The following ROPN1L variants were observed in gnomAD, a reference collection of about 807,000 sequenced individuals.
ROPN1L encodes rhophilin associated tail protein 1 like, also known as ropporin-1-like protein.
Under a neutral mutation model 22.7 loss-of-function variants are expected in ROPN1L, and 23 were observed. The ratio of observed to expected loss-of-function variants is 1.01; its 90% CI spans 0.73 to 1.43. ROPN1L has a LOEUF of 1.43. ROPN1L is among the 40% of genes most tolerant of loss of function. The probability of loss-of-function intolerance (pLI) is 0.00; values close to 1 mark genes in which losing one functional copy is unlikely to be tolerated. For missense variants in ROPN1L, 271 were observed against 291.5 expected, an observed-to-expected ratio of 0.93 and a Z score of 0.51; for synonymous variants, 116 against 117.8, an observed-to-expected ratio of 0.98 and a Z score of 0.10.
chr5:10,474,471 G>A (rs1735293071), downstream of ROPN1L, among the ~76,000 whole-genome samples: 1 of 152,230 alleles, frequency 6.6e-6, no homozygotes, highest in African/African-American at 2.4e-5. Context: ...AGGACATGAG[G>A]ATGGCCTCTA....
chr5:10,458,947 G>A (rs1303060680), intron 3 of ROPN1L, among the ~76,000 whole-genome samples: 2 of 61,866 alleles, frequency 3.2e-5, no homozygotes, highest in Admixed American at 2.3e-4. Context: ...CATCCCGCCC[G>A]TGTACACCAC....
At chr5:10,469,359 C>T (rs996525894), downstream of ROPN1L, among the ~76,000 whole-genome samples, 9 of 150,364 alleles carry the variant, frequency 6.0e-5, no homozygotes, top group South Asian at 2.1e-4. Context: ...TGGTGGCATA[C>T]GCCTGTGGTC....
intron 1 of ROPN1L, among the ~76,000 whole-genome samples, chr5:10,442,948 A>C (rs557491755): frequency 6.6e-6 from 1 of 152,374 alleles, no homozygotes; most frequent in South Asian, 2.1e-4. Flanking sequence ...TCTTGGTTTT[A>C]CAGGAGAGCT....
chr5:10,473,558 A>G (rs144432385), downstream of ROPN1L, among the ~76,000 whole-genome samples: 181 of 152,326 alleles, frequency 1.2e-3, no homozygotes, highest in African/African-American at 4.1e-3. Context: ...TGAGACAAGA[A>G]ATTGTTGCTG....
At chr5:10,466,119 A>G (rs1735149510), downstream of ROPN1L, among the ~76,000 whole-genome samples, 1 of 152,214 alleles carries the variant, frequency 6.6e-6, no homozygotes, top group African/African-American at 2.4e-5. Context: ...CGAAAAGGCC[A>G]ATACCAATGA....
In ROPN1L at chr5:10,459,369, T is replaced by TC. The variant is rs1561175192; in HGVS notation, c.418-1814dup. The stretch of plus-strand genomic sequence containing the variant: ...CTGCCTTCCACCCTCATCACTGGGT[T>TC]CTTGCCTTCCACCCTCATCACTTCT... On this transcript the variant is annotated intron_variant, in intron 3 of 4. Transcript: ENST00000274134. Among the ~76,000 whole-genome samples, 351 of 150,298 alleles carry TC rather than the reference T, an allele frequency of 2.3e-3. 4 individuals are homozygous for TC. The highest frequency in any genetic ancestry group is 5.2e-3 in the South Asian group (25 of 4,768).
chr5:10,461,719 C>G (rs906757763), intron 4 of ROPN1L, among the ~76,000 whole-genome samples: 2 of 152,194 alleles, frequency 1.3e-5, no homozygotes, highest in Non-Finnish European at 2.9e-5. Flanking sequence ...CCGACTGGCT[C>G]TAAATCAGGG....
downstream of ROPN1L, among the ~76,000 whole-genome samples, chr5:10,466,116 G>T (rs188837055): frequency 4.8e-4 from 73 of 152,296 alleles, 1 homozygote; most frequent in African/African-American, 1.2e-3. Flanking sequence ...TTTCGAAAAG[G>T]CCAATACCAA....
At chr5:10,447,253 G>A (rs377583173) in intron 1 of ROPN1L, among the ~76,000 whole-genome samples, 1 of 152,186 alleles carries the variant, frequency 6.6e-6, no homozygotes, top group African/African-American at 2.4e-5. Context: ...ATACCAAGGG[G>A]CGTGAGTTTC....
intron 2 of ROPN1L, 31 bp downstream of exon 2, chr5:10,448,414 C>T (rs767667113): frequency 1.9e-6 from 3 of 1,613,120 alleles, no homozygotes; most frequent in African/African-American, 1.3e-5. Flanking sequence ...TGGCCTCAGG[C>T]AGCTGGCCTG....
At chr5:10,461,555 C>T (rs762312930) in intron 4 of ROPN1L, 196 bp downstream of exon 4, 27 of 557,548 alleles carry the variant, frequency 4.8e-5, no homozygotes, top group Non-Finnish European at 7.6e-5. Flanking sequence ...CTGCAGCAGA[C>T]ACCAGCTGTG....
intron 3 of ROPN1L, 134 bp downstream of exon 3, chr5:10,450,247 C>A: frequency 1.7e-6 from 1 of 587,416 alleles, no homozygotes; most frequent in Non-Finnish European, 2.8e-6. Flanking sequence ...CTGCTCCAGG[C>A]CTATTATATT....
In ROPN1L at chr5:10,464,901, G is replaced by A. The variant is rs754827777; in HGVS notation, c.647G>A (p.Arg216Lys). The A allele has an allele frequency of 9.3e-6, 15 of 1,607,966 alleles. No homozygotes were observed. Among genetic ancestry groups the A allele is most frequent in the Non-Finnish European group, 1.2e-5 (14 of 1,177,730 alleles). The change falls in exon 5 of 5, where the codon AGG (arginine) becomes AAG (lysine). Residue 216 changes from arginine (R) to lysine (K), a missense_variant. Arg to Lys is a conservative substitution (Grantham distance 26, BLOSUM62 2). Transcript: ENST00000274134. ...CTTTCAGATTTCTTCTTTCCAAAGA[G>A]GAAACTTTTAGAAAGCATTGAAAAC... ...IGLSDFFFPK[R>K]KLLESIENSE... is the part of the protein sequence containing the mutation.
chr5:10,476,767 C>T (rs1735322978), downstream of ROPN1L, among the ~76,000 whole-genome samples: 1 of 152,172 alleles, frequency 6.6e-6, no homozygotes, highest in Admixed American at 6.5e-5. Flanking sequence ...TATGCTGGCA[C>T]TAAGACCTTA....
chr5:10,477,204 TG>T, the ROPN1L span, among the ~76,000 whole-genome samples: 2 of 152,242 alleles, frequency 1.3e-5, no homozygotes, highest in African/African-American at 4.8e-5. Context: ...TTTTACCTTG[TG>T]GGCCATTGTT....
chr5:10,446,980 A>C (rs1458535755), intron 1 of ROPN1L, among the ~76,000 whole-genome samples: 2 of 152,250 alleles, frequency 1.3e-5, no homozygotes, highest in Non-Finnish European at 2.9e-5. Context: ...GTTGTCTTAC[A>C]AAGCAAGGAA....
At chr5:10,461,072 TGGAGAA>T in intron 3 of ROPN1L, 106 bp from the exon 4 acceptor site, 3 of 933,320 alleles carry the variant, frequency 3.2e-6, no homozygotes, top group Admixed American at 5.3e-5. Context: ...ACATACTTTT[TGGAGAA>T]TTTCTGTCAA....
chr5:10,449,468 G>A (rs752162398), intron 2 of ROPN1L, among the ~76,000 whole-genome samples: 8 of 152,154 alleles, frequency 5.3e-5, no homozygotes, highest in Admixed American at 3.9e-4. Context: ...GCAGTGAGCC[G>A]AAATCATGCC....
downstream of ROPN1L, among the ~76,000 whole-genome samples, chr5:10,472,979 T>C (rs975933026): frequency 6.6e-6 from 1 of 152,078 alleles, no homozygotes; most frequent in African/African-American, 2.4e-5. Context: ...AGTGCCAGGG[T>C]TCCCAGGGGC....
Sources: allele counts gnomAD v4.1 joint callset (sites outside exome capture counted in the v4.1 genomes callset), GRCh38; gene constraint gnomAD v4.1.1; transcripts MANE v1.5; gene names NCBI Gene and HGNC (gene_info 2026-07-23, HGNC 2026-07-21).